Variants in RAB7A observed in about 807,000 individuals in gnomAD.
RAB7A encodes ras-related protein Rab-7a.
Under a neutral mutation model 24.5 loss-of-function variants are expected in RAB7A, and 2 were observed. The ratio of observed to expected loss-of-function variants is 0.08; its 90% CI spans 0.03 to 0.26. The LOEUF (loss-of-function observed/expected upper bound fraction) is 0.26, where lower values mean the gene tolerates loss of function less well. Among genes scored for constraint, RAB7A ranks in the 10% least tolerant of loss-of-function variants. RAB7A has a pLI of 1.00. For synonymous variants in RAB7A, 100 were observed against 95.9 expected (o/e 1.04, Z -0.25); for missense variants, 118 against 255.7 (o/e 0.46, Z 3.67).
In RAB7A at chr3:128,807,691, C is replaced by T. The variant is rs369178220; in HGVS notation, c.528+20C>T. 1.4e-5 allele frequency: 23 copies of T among 1,613,840 alleles called. No homozygotes were observed. The African/African-American group carries it at 3.1e-4, about 22-fold the overall frequency. On this transcript the variant is annotated intron_variant, in intron 5 of 5. Coordinates refer to ENST00000265062, the MANE Select transcript of RAB7A (RefSeq NM_004637.6). ...AAGCAGGTGGGTCTCCCACAGCTGA[C>T]CAGCCCACTCTGGTGATGCCTGACC... is the stretch of plus-strand genomic sequence containing the variant.
chr3:128,808,363 A>C (rs1304647886), intron 5 of RAB7A, among the ~76,000 whole-genome samples: 2 of 152,146 alleles, frequency 1.3e-5, no homozygotes, highest in Non-Finnish European at 2.9e-5. Context: ...CTGTCTAAAA[A>C]AAATTAAAAA....
chr3:128,780,115 C>G (rs1933186347), intron 1 of RAB7A, among the ~76,000 whole-genome samples: 1 of 152,172 alleles, frequency 6.6e-6, no homozygotes, highest in African/African-American at 2.4e-5. Context: ...ACATCTTAAG[C>G]AATCCTTAAA....
At chr3:128,774,277 C>G (rs1272049244) in intron 1 of RAB7A, among the ~76,000 whole-genome samples, 1 of 150,840 alleles carries the variant, frequency 6.6e-6, no homozygotes, top group East Asian at 1.9e-4. Context: ...GAGTGACTTC[C>G]CCCTTCTCCC....
At chr3:128,738,852 C>T (rs1190068350) in intron 1 of RAB7A, among the ~76,000 whole-genome samples, 1 of 152,190 alleles carries the variant, frequency 6.6e-6, no homozygotes, top group Admixed American at 6.5e-5. Flanking sequence ...CCTGTAAATT[C>T]TTCACATTGT....
chr3:128,769,339 C>T (rs1036287608), intron 1 of RAB7A, among the ~76,000 whole-genome samples: 1 of 152,164 alleles, frequency 6.6e-6, no homozygotes, highest in Non-Finnish European at 1.5e-5. Flanking sequence ...TTTAGCCTTT[C>T]TAATAGGTAT....
At chr3:128,743,788 CTCTCT>C (rs932370138) in intron 1 of RAB7A, among the ~76,000 whole-genome samples, 2 of 142,152 alleles carry the variant, frequency 1.4e-5, no homozygotes, top group Non-Finnish European at 3.0e-5. Flanking sequence ...TAATTTCTCT[CTCTCT>C]TTTTTTTTTT....
At chr3:128,790,691 T>G (rs1054189316) in intron 1 of RAB7A, among the ~76,000 whole-genome samples, 2 of 152,238 alleles carry the variant, frequency 1.3e-5, no homozygotes, top group Non-Finnish European at 2.9e-5. Flanking sequence ...ATTGTTCATT[T>G]CTGGTGTCTG....
chr3:128,812,447 G>C (rs1933947995), intron 5 of RAB7A, among the ~76,000 whole-genome samples: 1 of 152,106 alleles, frequency 6.6e-6, no homozygotes, highest in Non-Finnish European at 1.5e-5. Context: ...TGTATTCCTA[G>C]ATGTTTTATA....
At chr3:128,756,866 C>T (rs955527715) in intron 1 of RAB7A, among the ~76,000 whole-genome samples, 37 of 143,008 alleles carry the variant, frequency 2.6e-4, no homozygotes, top group Admixed American at 1.3e-3. Flanking sequence ...TTTTTTGAGA[C>T]GGAGTTGCGC....
intron 1 of RAB7A, among the ~76,000 whole-genome samples, chr3:128,769,788 A>G (rs902824008): frequency 2.6e-5 from 4 of 152,222 alleles, no homozygotes; most frequent in Non-Finnish European, 5.9e-5. Flanking sequence ...AAAACTCCCA[A>G]TGGGCAGTAG....
At chr3:128,727,641 A>G (rs1167430415) in intron 1 of RAB7A, among the ~76,000 whole-genome samples, 3 of 152,244 alleles carry the variant, frequency 2.0e-5, no homozygotes, top group African/African-American at 7.2e-5. Flanking sequence ...AAACCTGCCT[A>G]GTGAACCTTT....
At chr3:128,748,908 G>A (rs745390120) in intron 1 of RAB7A, 1 of 152,180 alleles carries the variant, frequency 6.6e-6, no homozygotes, top group Non-Finnish European at 1.5e-5. Flanking sequence ...TGTAGAGAAG[G>A]TCTCCCAGGC....
At chr3:128,774,088 A>G (rs559838253) in intron 1 of RAB7A, among the ~76,000 whole-genome samples, 2 of 151,048 alleles carry the variant, frequency 1.3e-5, no homozygotes, top group Non-Finnish European at 2.9e-5. Flanking sequence ...TAAAAAAAAA[A>G]AAAAAAAGAA....
chr3:128,735,979 A>G (rs894977955), intron 1 of RAB7A, among the ~76,000 whole-genome samples: 7 of 152,196 alleles, frequency 4.6e-5, no homozygotes, highest in African/African-American at 1.7e-4. Context: ...TCCAGGAGTG[A>G]AGTCCTCTTC....
At chr3:128,781,266 A>G (rs1441962245) in intron 1 of RAB7A, among the ~76,000 whole-genome samples, 1 of 152,246 alleles carries the variant, frequency 6.6e-6, no homozygotes, top group East Asian at 1.9e-4. Flanking sequence ...AGCCCTCATA[A>G]CAAAGCCACC....
At chr3:128,778,663 A>T (rs1164502470) in intron 1 of RAB7A, among the ~76,000 whole-genome samples, 1 of 152,232 alleles carries the variant, frequency 6.6e-6, no homozygotes, top group Admixed American at 6.5e-5. Flanking sequence ...TTCATATGTG[A>T]CATTCTTAAA....
intron 1 of RAB7A, among the ~76,000 whole-genome samples, chr3:128,776,211 A>G (rs569690856): frequency 6.6e-6 from 1 of 152,162 alleles, no homozygotes; most frequent in South Asian, 2.1e-4. Context: ...GTGGCAAATG[A>G]CATAATTTCT....
intron 3 of RAB7A, chr3:128,798,821 TAAA>T (rs56925997): frequency 0.04 from 5,977 of 149,508 alleles, 1 homozygote; most frequent in South Asian, 0.092. Flanking sequence ...TCTCTAAATT[TAAA>T]AAAAAAAAAA....
chr3:128,792,993 G>T (rs1576297569), intron 1 of RAB7A, among the ~76,000 whole-genome samples: 1 of 151,844 alleles, frequency 6.6e-6, no homozygotes, highest in East Asian at 1.9e-4. Context: ...TGGGATTACA[G>T]GCGCGTGCCA....
Sources: allele counts gnomAD v4.1 joint callset (sites outside exome capture counted in the v4.1 genomes callset), GRCh38; gene constraint gnomAD v4.1.1; transcripts MANE v1.5; gene names NCBI Gene and HGNC (gene_info 2026-07-23, HGNC 2026-07-21).